The following MDN1 variants were observed in gnomAD, a reference collection of about 807,000 sequenced individuals.
MDN1 encodes the protein midasin AAA ATPase 1, also known as midasin.
Under a neutral mutation model 669.2 loss-of-function variants are expected in MDN1, and 266 were observed. The ratio of observed to expected loss-of-function variants is 0.40; its 90% CI spans 0.36 to 0.44. MDN1 has a LOEUF of 0.44. Ranked by LOEUF, MDN1 falls within the 20% of genes least tolerant of loss-of-function variation. The pLI, the probability that MDN1 is intolerant of heterozygous loss-of-function variation, is 1.00. For missense variants in MDN1, 5,940 were observed against 6,754.0 expected (o/e 0.88, Z 4.22); for synonymous variants, 2,385 against 2,457.1 (o/e 0.97, Z 0.87).
chr6:89,658,872 T>C lies in MDN1; in HGVS notation c.14759A>G (p.His4920Arg), dbSNP rs767007379. 3 of 1,613,700 alleles carry C rather than the reference T, an allele frequency of 1.9e-6. No homozygotes were observed. The South Asian group carries it at 3.3e-5, about 18-fold the overall frequency. Residue 4920 changes from histidine (H) to arginine (R), a missense_variant, in exon 89 of 102, where the codon CAT becomes CGT. Transcript: ENST00000369393. ...EIKEKPEEAG[H>R]EAEERGETET... ...GGTCTCTCCTCTTTCCTCAGCTTCA[T>C]GACCTGCTTCTTCTGGTTTTTCTTT...
chr6:89,685,715 G>C, intron 70 of MDN1, 112 bp downstream of exon 70: 1 of 1,122,580 alleles, frequency 8.9e-7, no homozygotes, highest in Non-Finnish European at 1.2e-6. Context: ...ATAACTAAAT[G>C]TGTCTTGTTT....
chr6:89,704,092 A>G (rs9294448), intron 53 of MDN1, among the ~76,000 whole-genome samples: 127,410 of 151,602 alleles, frequency 0.84, 53,748 homozygotes, highest in East Asian at 1. Flanking sequence ...TAGAATTCTG[A>G]AAAACTGGCC....
At chr6:89,673,701 C>T (rs1810988505) in intron 79 of MDN1, 1 of 537,962 alleles carries the variant, frequency 1.9e-6, no homozygotes, top group Non-Finnish European at 3.3e-6. Context: ...GAATAAATTA[C>T]TAAATTTATT....
intron 73 of MDN1, among the ~76,000 whole-genome samples, chr6:89,682,906 C>T (rs540896413): frequency 1.2e-4 from 18 of 150,968 alleles, no homozygotes; most frequent in African/African-American, 4.4e-4. Flanking sequence ...ATAATCATGC[C>T]TGGGCAATAG....
chr6:89,717,632 T>C (rs896834445), intron 43 of MDN1, among the ~76,000 whole-genome samples: 1 of 151,912 alleles, frequency 6.6e-6, no homozygotes, highest in African/African-American at 2.4e-5. Context: ...ATAATTAGAG[T>C]GAATGAGTAA....
At chr6:89,647,952 C>G in intron 99 of MDN1, 80 bp downstream of exon 99, 1 of 1,121,402 alleles carries the variant, frequency 8.9e-7, no homozygotes, top group South Asian at 1.3e-5. Context: ...GGTCCTGTCT[C>G]AAAAATAAAA....
At chr6:89,653,353 C>T (rs1809016477) in intron 93 of MDN1, among the ~76,000 whole-genome samples, 198 bp from the exon 94 acceptor site, 1 of 152,194 alleles carries the variant, frequency 6.6e-6, no homozygotes, top group Non-Finnish European at 1.5e-5. Context: ...CTCCCCTCCT[C>T]CTCACCTGAT....
In MDN1 at chr6:89,718,901, T is replaced by A; in HGVS notation, c.6187A>T (p.Ile2063Phe). 1 of 1,614,096 alleles carries A rather than the reference T, an allele frequency of 6.2e-7. No individual in the cohort carries two copies. The highest frequency in any genetic ancestry group is 1.3e-5 in the African/African-American group (1 of 75,010). ...CCCACAGAGGCTGGCCCGACCAGGA[T>A]GACCATCCAGCTCATCTGCACACAC... is the stretch of plus-strand genomic sequence containing the variant. ...MKCVQMSWMVILVGPASVGKT... is the reference protein window; with the variant it reads ...MKCVQMSWMVFLVGPASVGKT... Residue 2063 changes from isoleucine to phenylalanine, a missense_variant, in exon 42 of 102, where the codon ATC becomes TTC. Ile to Phe is a conservative substitution (Grantham distance 21, BLOSUM62 0). This residue lies in a region of MDN1 where 2,292 missense variants were observed against 2,638.3 expected (regional missense o/e 0.87). Transcript: ENST00000369393.
chr6:89,723,402 T>C (rs996563522), intron 39 of MDN1, 110 bp downstream of exon 39: 1 of 754,708 alleles, frequency 1.3e-6, no homozygotes, highest in Non-Finnish European at 2.0e-6. Flanking sequence ...GAATTCAAAG[T>C]AATTTTTTTT....
chr6:89,685,778 A>T, intron 70 of MDN1, 49 bp downstream of exon 70: 1 of 1,592,624 alleles, frequency 6.3e-7, no homozygotes, highest in South Asian at 1.1e-5. Context: ...TCAAAGCCTA[A>T]CTCATTTTAG....
intron 59 of MDN1, among the ~76,000 whole-genome samples, chr6:89,698,194 T>C (rs1812898998): frequency 6.6e-6 from 1 of 152,226 alleles, no homozygotes; most frequent in East Asian, 1.9e-4. Context: ...ACATTTCCAG[T>C]CTGGCAATAA....
intron 84 of MDN1, 93 bp from the exon 85 acceptor site, chr6:89,664,721 A>G (rs1173363839): frequency 2.0e-6 from 2 of 1,003,350 alleles, no homozygotes. Flanking sequence ...TGGTGTAAAA[A>G]TATATCTGGG....
chr6:89,674,622 G>C, intron 78 of MDN1, 33 bp from the exon 79 acceptor site: 1 of 1,504,362 alleles, frequency 6.6e-7, no homozygotes, highest in South Asian at 1.3e-5. Context: ...AAAACACAAT[G>C]AATGGCACCT....
chr6:89,781,184 T>C (rs1818653491), intron 10 of MDN1: 4 of 578,868 alleles, frequency 6.9e-6, no homozygotes, highest in Admixed American at 3.0e-5. Context: ...CAGTCATTAA[T>C]TATAAATCTG....
At chr6:89,745,805 T>C (rs1237448161) in intron 27 of MDN1, among the ~76,000 whole-genome samples, 179 bp from the exon 28 acceptor site, 1 of 152,222 alleles carries the variant, frequency 6.6e-6, no homozygotes, top group Admixed American at 6.5e-5. Context: ...CTCAGCAATA[T>C]GACTTCTAGT....
At chr6:89,808,274 T>C (rs989045219) in intron 1 of MDN1, among the ~76,000 whole-genome samples, 2 of 152,198 alleles carry the variant, frequency 1.3e-5, no homozygotes, top group Non-Finnish European at 2.9e-5. Flanking sequence ...CTGAACGTTG[T>C]AGATGTGTCT....
At chr6:89,743,125 C>G in intron 31 of MDN1, 25 bp downstream of exon 31, 1 of 1,603,450 alleles carries the variant, frequency 6.2e-7, no homozygotes, top group South Asian at 1.1e-5. Context: ...ATATCAAACA[C>G]AAGGCAAACC....
At chr6:89,798,278 C>A (rs1356687709) in intron 2 of MDN1, among the ~76,000 whole-genome samples, 2 of 151,520 alleles carry the variant, frequency 1.3e-5, no homozygotes, top group Non-Finnish European at 2.9e-5. Context: ...CTTTAAGAGG[C>A]CGAGACAGGT....
At chr6:89,731,366 T>C (rs1438795664) in intron 34 of MDN1, among the ~76,000 whole-genome samples, 2 of 152,180 alleles carry the variant, frequency 1.3e-5, no homozygotes, top group African/African-American at 2.4e-5. Context: ...CCAACCCGAA[T>C]GTCCATCAAT....
Sources: allele counts gnomAD v4.1 joint callset (sites outside exome capture counted in the v4.1 genomes callset), GRCh38; gene constraint gnomAD v4.1.1; regional missense constraint gnomAD v4.1.1; transcripts MANE v1.5; gene names NCBI Gene and HGNC (gene_info 2026-07-23, HGNC 2026-07-21).